The following ANTXR1 variants were observed in gnomAD, a reference collection of about 807,000 sequenced individuals.
ANTXR1 encodes ANTXR cell adhesion molecule 1.
In ANTXR1, 19 loss-of-function variants were observed where a neutral mutation model predicts 78.1. That is an observed-to-expected ratio of 0.24 (90% CI 0.17 to 0.36). The LOEUF is 0.36. Among genes scored for constraint, ANTXR1 ranks in the 10% least tolerant of loss-of-function variants. The pLI is 1.00. For missense variants in ANTXR1, 518 were observed against 718.6 expected, an observed-to-expected ratio of 0.72 and a Z score of 3.19; for synonymous variants, 273 against 260.5, an observed-to-expected ratio of 1.05 and a Z score of -0.46.
At chr2:69,201,186 G>T (rs1674764108) in intron 17 of ANTXR1, among the ~76,000 whole-genome samples, 1 of 152,172 alleles carries the variant, frequency 6.6e-6, no homozygotes. Context: ...TGAGGTGTGG[G>T]AGCTATACCC....
chr2:69,171,208 GA>G (rs1673975061), intron 14 of ANTXR1, among the ~76,000 whole-genome samples: 1 of 152,198 alleles, frequency 6.6e-6, no homozygotes, highest in African/African-American at 2.4e-5. Context: ...AAAGAGTAAT[GA>G]TTAAATTAAA....
At chr2:69,100,887 T>A (rs1459933794) in intron 9 of ANTXR1, among the ~76,000 whole-genome samples, 1 of 152,208 alleles carries the variant, frequency 6.6e-6, no homozygotes, top group African/African-American at 2.4e-5. Context: ...TAAGCCCATC[T>A]TTCTAAACGT....
intron 8 of ANTXR1, chr2:69,090,615 C>T: frequency 1.8e-6 from 1 of 566,994 alleles, no homozygotes; most frequent in Non-Finnish European, 3.2e-6. Context: ...TAAATACCTG[C>T]CAAAAGAGCA....
At chr2:69,171,518 C>T (rs1335856067) in intron 14 of ANTXR1, among the ~76,000 whole-genome samples, 1 of 152,246 alleles carries the variant, frequency 6.6e-6, no homozygotes, top group Non-Finnish European at 1.5e-5. Context: ...GAGCAAGGAG[C>T]TCCCTTATTA....
intron 12 of ANTXR1, among the ~76,000 whole-genome samples, chr2:69,150,283 C>T (rs1039547213): frequency 6.6e-6 from 1 of 152,186 alleles, no homozygotes; most frequent in East Asian, 1.9e-4. Context: ...GAAGAGGGAG[C>T]AGCTTTGAGA....
chr2:69,159,740 A>T (rs1673627541), intron 13 of ANTXR1, among the ~76,000 whole-genome samples: 1 of 152,144 alleles, frequency 6.6e-6, no homozygotes, highest in Non-Finnish European at 1.5e-5. Flanking sequence ...TCTTGTTTTC[A>T]GTGGCCTTAT....
At chr2:69,202,078 T>C (rs1674786701) in intron 17 of ANTXR1, among the ~76,000 whole-genome samples, 1 of 152,100 alleles carries the variant, frequency 6.6e-6, no homozygotes. Context: ...TGAGAGTCAT[T>C]GGCCATGGCA....
chr2:69,069,793 C>A (rs1298830575), intron 3 of ANTXR1, among the ~76,000 whole-genome samples: 1 of 152,160 alleles, frequency 6.6e-6, no homozygotes, highest in Non-Finnish European at 1.5e-5. Flanking sequence ...AAAAGAGTTT[C>A]TCTTCCCAAT....
intron 14 of ANTXR1, among the ~76,000 whole-genome samples, chr2:69,178,819 T>G (rs1674199833): frequency 6.6e-6 from 1 of 152,210 alleles, no homozygotes. Flanking sequence ...ACTTCATTTC[T>G]CTAGATCTGA....
intron 14 of ANTXR1, among the ~76,000 whole-genome samples, chr2:69,179,641 G>A (rs909685319): frequency 1.3e-5 from 2 of 152,110 alleles, no homozygotes; most frequent in African/African-American, 4.8e-5. Flanking sequence ...AATCCAGACT[G>A]GCCAATGCTG....
chr2:69,184,252 A>T lies in ANTXR1; in HGVS notation c.1353+1592A>T, dbSNP rs559647502. On this transcript the variant is annotated intron_variant, in intron 16 of 17. Transcript: ENST00000303714. Reference sequence around the variant, plus strand: ...TCCTCAGCTGAGCTAGCTCAAGCTCACCTGAATTGCCACGCATTTCTATTT... The same window carrying T: ...TCCTCAGCTGAGCTAGCTCAAGCTCTCCTGAATTGCCACGCATTTCTATTT... Among the ~76,000 whole-genome samples, 285 of 152,342 alleles carry T rather than the reference A, an allele frequency of 1.9e-3. 2 individuals are homozygous for T. The highest frequency in any genetic ancestry group is 2.9e-3 in the Non-Finnish European group (200 of 68,030).
chr2:69,175,974 G>A (rs1674109835), intron 14 of ANTXR1, among the ~76,000 whole-genome samples: 2 of 151,996 alleles, frequency 1.3e-5, no homozygotes, highest in Non-Finnish European at 2.9e-5. Context: ...TTCCAGCCAT[G>A]TCTACACAGA....
rs1039507455 is a variant in ANTXR1, at chr2:69,070,827, A to T, written c.378+99A>T. 2.9e-6 allele frequency: 3 copies of T among 1,047,636 alleles called. No individual in the cohort carries two copies. In the African/African-American group the frequency reaches 4.7e-5, roughly 17 times the overall value. 64.9% of individuals were successfully genotyped at this position (1,047,636 alleles called of 1,614,324 possible). A position where few individuals can be genotyped will look rare whatever the true frequency, so the allele number is the denominator to read the frequency against. Reference sequence around the variant, plus strand: ...TAAGGCACTTATATTAAGAGGGCTGACTAGCACCCAATAGCAAGAGAGTAC... The same window carrying T: ...TAAGGCACTTATATTAAGAGGGCTGTCTAGCACCCAATAGCAAGAGAGTAC... On this transcript the variant is annotated intron_variant, in intron 4 of 17. Transcript: ENST00000303714.
At chr2:69,229,854 G>A (rs1675546240) in intron 17 of ANTXR1, among the ~76,000 whole-genome samples, 1 of 152,034 alleles carries the variant, frequency 6.6e-6, no homozygotes, top group Non-Finnish European at 1.5e-5. Context: ...TGCTTGGCAG[G>A]ACCCAGGAGT....
intron 3 of ANTXR1, among the ~76,000 whole-genome samples, chr2:69,047,777 A>C (rs1669814225): frequency 6.6e-6 from 1 of 152,152 alleles, no homozygotes; most frequent in Non-Finnish European, 1.5e-5. Flanking sequence ...TGATATAGGC[A>C]GTAGCAAGCA....
chr2:69,145,820 A>G lies in ANTXR1; in HGVS notation c.952-6349A>G, dbSNP rs185859825. The stretch of plus-strand genomic sequence containing the variant: ...TCCAGAGGCCTGGTTCTCTCCCATT[A>G]TAGGGCAAACAAGCCCTGGCAAGAT... On this transcript the variant is annotated intron_variant, in intron 12 of 17. Coordinates refer to ENST00000303714, the MANE Select transcript of ANTXR1 (RefSeq NM_032208.3). 333 of 988,790 alleles carry G rather than the reference A, an allele frequency of 3.4e-4. No individual in the cohort carries two copies. The African/African-American group carries it at 5.4e-3, about 16-fold the overall frequency. 61.3% of individuals were successfully genotyped at this position (988,790 alleles called of 1,614,324 possible).
At chr2:69,051,472 A>T (rs938786257) in intron 3 of ANTXR1, among the ~76,000 whole-genome samples, 14 of 152,134 alleles carry the variant, frequency 9.2e-5, no homozygotes, top group African/African-American at 3.4e-4. Context: ...AAAGTGTTTC[A>T]CAATTTTCAC....
intron 8 of ANTXR1, among the ~76,000 whole-genome samples, chr2:69,088,847 A>T (rs959886487): frequency 2.6e-5 from 4 of 152,194 alleles, no homozygotes; most frequent in Admixed American, 1.3e-4. Flanking sequence ...TAGACTGACA[A>T]TGAGTGGAAA....
chr2:69,144,504 A>T (rs988902921), intron 12 of ANTXR1, among the ~76,000 whole-genome samples: 2 of 152,112 alleles, frequency 1.3e-5, no homozygotes, highest in African/African-American at 2.4e-5. Flanking sequence ...GGGGAGAGAG[A>T]GTGGATGGCG....
Sources: allele counts gnomAD v4.1 joint callset (sites outside exome capture counted in the v4.1 genomes callset), GRCh38; gene constraint gnomAD v4.1.1; transcripts MANE v1.5; gene names NCBI Gene and HGNC (gene_info 2026-07-23, HGNC 2026-07-21).